RCC2: variants seen among roughly 807,000 people sequenced by gnomAD.
RCC2 encodes protein RCC2.
RCC2 carries 19 observed loss-of-function variants against 64.1 expected under a neutral mutation model. That is an observed-to-expected ratio of 0.30 (90% CI 0.21 to 0.44). The LOEUF (loss-of-function observed/expected upper bound fraction) is 0.44, where lower values mean the gene tolerates loss of function less well. Among genes scored for constraint, RCC2 ranks in the 20% least tolerant of loss-of-function variants. The probability of loss-of-function intolerance (pLI) is 1.00; values close to 1 mark genes in which losing one functional copy is unlikely to be tolerated. For synonymous variants in RCC2, 325 were observed against 279.6 expected, an observed-to-expected ratio of 1.16 and a Z score of -1.62; for missense variants, 508 against 710.4, an observed-to-expected ratio of 0.72 and a Z score of 3.24.
chr1:17,439,383 G>A (rs1487043403), intron 1 of RCC2, among the ~76,000 whole-genome samples, 162 bp downstream of exon 1: 1 of 144,412 alleles, frequency 6.9e-6, no homozygotes, highest in African/African-American at 2.6e-5. Context: ...GTCTGTCTCC[G>A]ATTAAACCAC....
chr1:17,413,350 T>A (rs570349611), intron 9 of RCC2, among the ~76,000 whole-genome samples, 172 bp from the exon 10 acceptor site: 1 of 152,260 alleles, frequency 6.6e-6, no homozygotes, highest in South Asian at 2.1e-4. Context: ...CTCAGGACGC[T>A]GTGGTGGTAG....
At chr1:17,431,673 C>T (rs1256450361) in intron 2 of RCC2, among the ~76,000 whole-genome samples, 2 of 151,842 alleles carry the variant, frequency 1.3e-5, no homozygotes, top group African/African-American at 4.8e-5. Flanking sequence ...CAATAGGAAC[C>T]TTTACACGAC....
rs1392757859 is a variant in RCC2 at position 17,407,323 on chromosome 1, G to A, written c.*1767C>T. 6.6e-6 allele frequency: 1 copy of A among 152,220 alleles called. No individual in the cohort carries two copies. The highest frequency in any genetic ancestry group is 1.5e-5 in the Non-Finnish European group (1 of 68,056). The allele number at this position is 152,220 out of a possible 1,614,324, so 9.4% of individuals were successfully genotyped here. A position where few individuals can be genotyped will look rare whatever the true frequency, so the allele number is the denominator to read the frequency against. On this transcript the variant is annotated 3_prime_UTR_variant, in exon 13 of 13. Transcript: ENST00000375436. ...AAGGGTGCCAGGAGCACAGGTGCCT[G>A]GGCTGCATTCCAGGAAAGAGACCTG...
intron 7 of RCC2, 110 bp downstream of exon 7, chr1:17,420,604 C>T: frequency 3.2e-6 from 2 of 619,646 alleles, no homozygotes; most frequent in Non-Finnish European, 5.5e-6. Context: ...AGGCTATTAT[C>T]TGAGATCAAT....
At chr1:17,418,477 T>A (rs2075515252) in intron 7 of RCC2, among the ~76,000 whole-genome samples, 1 of 152,030 alleles carries the variant, frequency 6.6e-6, no homozygotes, top group African/African-American at 2.4e-5. Context: ...GCCAACATGG[T>A]GAAACCCCGT....
chr1:17,425,617 C>A lies in RCC2; in HGVS notation c.447G>T (p.Arg149=). ...PHRYGCLAGV[R]VRTVVSGSCA... ...ACGAGCCCGAGACCACTGTCCGCAC[C>A]CGGACCCCCGCCAGGCACCCATATC... Residue 149 remains arginine, a synonymous_variant, in exon 4 of 13, where the codon CGG becomes CGT. Coordinates refer to ENST00000375436, the MANE Select transcript of RCC2 (RefSeq NM_018715.4). 6.2e-7 allele frequency: 1 copy of A among 1,614,110 alleles called. No homozygotes were observed. The highest frequency in any genetic ancestry group is 8.5e-7 in the Non-Finnish European group (1 of 1,180,000).
chr1:17,417,379 T>A (rs2075499240), intron 7 of RCC2, among the ~76,000 whole-genome samples: 1 of 152,136 alleles, frequency 6.6e-6, no homozygotes, highest in Admixed American at 6.5e-5. Context: ...ACTGTGATCA[T>A]CAGTTTGGTT....
chr1:17,427,630 G>A (rs1436209865), intron 3 of RCC2, among the ~76,000 whole-genome samples: 1 of 152,136 alleles, frequency 6.6e-6, no homozygotes, highest in Admixed American at 6.5e-5. Context: ...AACACAGGAG[G>A]CCACGGGACG....
At chr1:17,413,852 G>C (rs1570175143) in intron 8 of RCC2, 135 bp from the exon 9 acceptor site, 1 of 805,702 alleles carries the variant, frequency 1.2e-6, no homozygotes, top group East Asian at 2.7e-5. Flanking sequence ...TCCCCTACCA[G>C]CCGGGCACGG....
intron 8 of RCC2, 132 bp downstream of exon 8, chr1:17,416,348 C>T: frequency 1.0e-6 from 1 of 999,972 alleles, no homozygotes; most frequent in Non-Finnish European, 1.5e-6. Context: ...AGGTGCAAAG[C>T]CCTCTTGAAG....
chr1:17,407,266 T>C lies in RCC2; in HGVS notation c.*1824A>G, dbSNP rs769353983. ...ACCTCGGGTGCTGCGTCCTCAACCCTCTCGGTGACCACGGCTCAAAGGAGA... is the reference window on the plus strand; with the variant it reads ...ACCTCGGGTGCTGCGTCCTCAACCCCCTCGGTGACCACGGCTCAAAGGAGA... On this transcript the variant is annotated 3_prime_UTR_variant, in exon 13 of 13. Coordinates refer to ENST00000375436, the MANE Select transcript of RCC2 (RefSeq NM_018715.4). The C allele has an allele frequency of 1.3e-5, 2 of 151,558 alleles. No homozygotes were observed. The highest frequency in any genetic ancestry group is 2.9e-5 in the Non-Finnish European group (2 of 67,912). 9.4% of individuals were successfully genotyped at this position (151,558 alleles called of 1,614,324 possible).
intron 7 of RCC2, among the ~76,000 whole-genome samples, chr1:17,419,009 G>A (rs1375935751): frequency 3.9e-5 from 6 of 152,082 alleles, no homozygotes; most frequent in Admixed American, 6.5e-5. Context: ...AGAAAACATC[G>A]AACAGCGGGC....
chr1:17,433,050 GTA>G (rs1395386483), intron 2 of RCC2, among the ~76,000 whole-genome samples: 1 of 152,076 alleles, frequency 6.6e-6, no homozygotes, highest in Non-Finnish European at 1.5e-5. Context: ...ACATACGTGT[GTA>G]TACATATACA....
chr1:17,430,961 AC>A (rs1382113141), intron 2 of RCC2, among the ~76,000 whole-genome samples: 1 of 151,746 alleles, frequency 6.6e-6, no homozygotes, highest in Non-Finnish European at 1.5e-5. Flanking sequence ...CAGGTGATCC[AC>A]CCACCTTGGC....
intron 7 of RCC2, among the ~76,000 whole-genome samples, chr1:17,420,352 T>C (rs2075542355): frequency 6.6e-6 from 1 of 152,234 alleles, no homozygotes; most frequent in East Asian, 1.9e-4. Flanking sequence ...AACGTTCATT[T>C]TCCGTAATTT....
rs781509466 is a variant in RCC2 at position 17,438,300 on chromosome 1, G to A, written c.215C>T (p.Pro72Leu). ...GCCGCCCGCCTTGCCTGCTGTCGCC[G>A]GCCGCGCCGCGCGCTTGCCCCCGCC... is the stretch of plus-strand genomic sequence containing the variant. ...APGGGKRAAR[P>L]ATAGKAGGAA... Residue 72 changes from proline to leucine, a missense_variant, in exon 2 of 13, where the codon CCG (proline) becomes CTG (leucine). By Grantham distance (98) the Pro-to-Leu change is moderately conservative. Transcript: ENST00000375436. The A allele has an allele frequency of 6.4e-6, 8 of 1,254,446 alleles. No individual in the cohort carries two copies. The highest frequency in any genetic ancestry group is 1.6e-5 in the African/African-American group (1 of 62,688). The allele number at this position is 1,254,446 out of a possible 1,614,324, so 77.7% of individuals were successfully genotyped here.
intron 10 of RCC2, 78 bp downstream of exon 10, chr1:17,412,995 G>A (rs1399273785): frequency 8.6e-6 from 9 of 1,043,202 alleles, no homozygotes; most frequent in Non-Finnish European, 1.3e-5. Context: ...CCCCATCAGG[G>A]AGGGGCACCC....
intron 12 of RCC2, among the ~76,000 whole-genome samples, chr1:17,409,462 G>A (rs2075401815): frequency 6.6e-6 from 1 of 152,214 alleles, no homozygotes; most frequent in Admixed American, 6.5e-5. Flanking sequence ...GGGACAGGTG[G>A]GGACATGGCT....
At chr1:17,415,614 GC>G (rs1234432911) in intron 8 of RCC2, among the ~76,000 whole-genome samples, 1 of 151,934 alleles carries the variant, frequency 6.6e-6, no homozygotes, top group African/African-American at 2.4e-5. Flanking sequence ...GGAGGCTGAG[GC>G]AGGAGAATAG....
Sources: gnomAD v4.1 joint callset for allele counts (sites outside exome capture counted in the v4.1 genomes callset) on GRCh38, gnomAD v4.1.1 for gene constraint, MANE v1.5 for transcripts, NCBI Gene and HGNC (gene_info 2026-07-23, HGNC 2026-07-21) for gene names.